GRM7: variants seen among roughly 807,000 people sequenced by gnomAD.
GRM7 encodes the protein metabotropic glutamate receptor 7.
GRM7 carries 35 observed loss-of-function variants against 84.5 expected under a neutral mutation model. The observed-to-expected ratio is 0.41, with a 90% CI of 0.32 to 0.55. The LOEUF is 0.55. Ranked by LOEUF, GRM7 falls within the 20% of genes least tolerant of loss-of-function variation. The pLI, the probability that GRM7 is intolerant of heterozygous loss-of-function variation, is 0.19. For synonymous variants in GRM7, 487 were observed against 455.1 expected (o/e 1.07, Z -0.89); for missense variants, 1,003 against 1,194.6 (o/e 0.84, Z 2.36).
intron 1 of GRM7, among the ~76,000 whole-genome samples, chr3:7,032,500 G>T (rs1696227345): frequency 6.6e-6 from 1 of 152,146 alleles, no homozygotes; most frequent in East Asian, 1.9e-4. Context: ...GAGAAAATCA[G>T]CCAGAAGTGT....
rs955107286 is a variant in GRM7 at position 7,151,172 on chromosome 3, A to G, written c.736+4504A>G. Among the ~76,000 whole-genome samples the G allele has an allele frequency of 6.6e-6, 1 of 152,120 alleles. No homozygotes were observed. Among genetic ancestry groups the G allele is most frequent in the African/African-American group, 2.4e-5 (1 of 41,444 alleles). On this transcript the variant is annotated intron_variant, in intron 2 of 9. Coordinates refer to ENST00000357716, the MANE Select transcript of GRM7 (RefSeq NM_000844.4). The surrounding 1 kb of genome is among the most constrained non-coding windows in gnomAD (Gnocchi z 4.5). ...GCCTAGCATATTTTTTTCCTAAAAT[A>G]CTTAGAGGAAGATTTGATTAACTGT...
intron 1 of GRM7, among the ~76,000 whole-genome samples, chr3:6,909,222 C>T (rs571905851): frequency 6.6e-6 from 1 of 152,222 alleles, no homozygotes; most frequent in South Asian, 2.1e-4. Flanking sequence ...TTGCATCCAA[C>T]TCTTGTAGTC....
intron 4 of GRM7, among the ~76,000 whole-genome samples, chr3:7,321,931 C>A (rs1700798812): frequency 6.6e-6 from 1 of 152,174 alleles, no homozygotes; most frequent in South Asian, 2.1e-4. Context: ...TTACACCTGG[C>A]CTCCATATGT....
At chr3:7,433,596 A>T (rs1162558873) in intron 5 of GRM7, among the ~76,000 whole-genome samples, 1 of 152,212 alleles carries the variant, frequency 6.6e-6, no homozygotes, top group Non-Finnish European at 1.5e-5. Flanking sequence ...AATGTGAATG[A>T]TGTCATGAAA....
intron 4 of GRM7, among the ~76,000 whole-genome samples, chr3:7,383,230 C>A (rs573208146): frequency 6.6e-6 from 1 of 152,306 alleles, no homozygotes; most frequent in South Asian, 2.1e-4. Context: ...TGGATCCCTA[C>A]AATTGCTGTT....
intron 9 of GRM7, among the ~76,000 whole-genome samples, chr3:7,706,947 T>C (rs1701409809): frequency 6.6e-6 from 1 of 151,926 alleles, no homozygotes; most frequent in African/African-American, 2.4e-5. Context: ...CAGACCTCTC[T>C]TTGGGAAAGG....
chr3:7,345,411 C>T (rs533279187), intron 4 of GRM7, among the ~76,000 whole-genome samples: 83 of 151,918 alleles, frequency 5.5e-4, no homozygotes, highest in African/African-American at 2.0e-3. Flanking sequence ...CAAATGGTAG[C>T]TGGGATTACA....
chr3:7,059,929 C>T (rs934260528), intron 1 of GRM7, among the ~76,000 whole-genome samples: 1 of 151,776 alleles, frequency 6.6e-6, no homozygotes, highest in Non-Finnish European at 1.5e-5. Flanking sequence ...ATAAGCTACC[C>T]AGTTTATGTA....
At chr3:6,875,471 G>T (rs1478124614) in intron 1 of GRM7, among the ~76,000 whole-genome samples, 1 of 152,062 alleles carries the variant, frequency 6.6e-6, no homozygotes, top group African/African-American at 2.4e-5. Context: ...CCCTGCACAA[G>T]CTCTCTTGCC....
intron 5 of GRM7, among the ~76,000 whole-genome samples, chr3:7,448,287 A>T (rs941488285): frequency 2.6e-5 from 4 of 151,814 alleles, no homozygotes; most frequent in African/African-American, 4.8e-5. Context: ...GCTGGGTCAA[A>T]TGGTATTTCT....
intron 2 of GRM7, among the ~76,000 whole-genome samples, chr3:7,209,748 G>A (rs1696358799): frequency 6.6e-6 from 1 of 152,184 alleles, no homozygotes; most frequent in African/African-American, 2.4e-5. Context: ...AGTGTTCAAC[G>A]AAGGTAGAGC....
chr3:7,692,395 T>C (rs1392647191), intron 9 of GRM7, among the ~76,000 whole-genome samples: 1 of 152,108 alleles, frequency 6.6e-6, no homozygotes, highest in Non-Finnish European at 1.5e-5. Flanking sequence ...GAAAACACAT[T>C]TGGTTTCCTT....
chr3:7,396,691 G>C (rs890518812), intron 4 of GRM7, among the ~76,000 whole-genome samples: 4 of 152,108 alleles, frequency 2.6e-5, no homozygotes, highest in Admixed American at 2.6e-4. Context: ...AGTATAAAAT[G>C]AGCTCAGTCT....
chr3:7,199,992 G>A (rs576607215), intron 2 of GRM7, among the ~76,000 whole-genome samples: 24 of 152,314 alleles, frequency 1.6e-4, no homozygotes, highest in African/African-American at 5.5e-4. Context: ...AAGTTCAAGT[G>A]CATAGTGCTG....
At chr3:7,164,045 T>C (rs1236695240) in intron 2 of GRM7, among the ~76,000 whole-genome samples, 2 of 152,196 alleles carry the variant, frequency 1.3e-5, no homozygotes, top group Non-Finnish European at 2.9e-5. Flanking sequence ...CTTCCATCCA[T>C]GGTTTCTATG....
chr3:7,715,311 A>T (rs1701736328), intron 9 of GRM7, among the ~76,000 whole-genome samples: 1 of 152,080 alleles, frequency 6.6e-6, no homozygotes, highest in East Asian at 1.9e-4. Flanking sequence ...ATAAAAAATA[A>T]ATGAATAAAA....
chr3:6,953,294 C>T (rs1340354133), intron 1 of GRM7, among the ~76,000 whole-genome samples: 1 of 152,092 alleles, frequency 6.6e-6, no homozygotes, highest in African/African-American at 2.4e-5. Flanking sequence ...CACCTAAACC[C>T]AGATATGATA....
At chr3:7,375,440 G>A (rs942210929) in intron 4 of GRM7, among the ~76,000 whole-genome samples, 8 of 151,778 alleles carry the variant, frequency 5.3e-5, no homozygotes, top group African/African-American at 1.2e-4. Flanking sequence ...GGCTGGTCTC[G>A]AACTCCTGAC....
At chr3:7,717,273 TA>T (rs1055602701) in intron 9 of GRM7, among the ~76,000 whole-genome samples, 4 of 152,110 alleles carry the variant, frequency 2.6e-5, no homozygotes, top group African/African-American at 7.2e-5. Flanking sequence ...ACTTACTTCT[TA>T]AAAAAAATTA....
Sources: gnomAD v4.1 joint callset for allele counts (sites outside exome capture counted in the v4.1 genomes callset) on GRCh38, gnomAD v4.1.1 for gene constraint, Gnocchi (gnomAD v3.1) non-coding constraint, MANE v1.5 for transcripts, NCBI Gene and HGNC (gene_info 2026-07-23, HGNC 2026-07-21) for gene names.